Variants in RAB31 observed in about 807,000 individuals in gnomAD.
RAB31 encodes ras-related protein Rab-31.
A neutral mutation model predicts 25.6 loss-of-function variants in RAB31; 21 were observed. The ratio of observed to expected loss-of-function variants is 0.82; its 90% CI spans 0.58 to 1.18. RAB31 has a LOEUF of 1.18. Ranked by LOEUF, RAB31 falls within the 50% of genes most tolerant of loss-of-function variation. The pLI is 0.00. For missense variants in RAB31, 196 were observed against 250.1 expected (o/e 0.78, Z 1.46); for synonymous variants, 87 against 84.0 (o/e 1.04, Z -0.20).
At chr18:9,709,088 C>CG (rs1172390978) in intron 1 of RAB31, among the ~76,000 whole-genome samples, 2 of 152,176 alleles carry the variant, frequency 1.3e-5, no homozygotes, top group Non-Finnish European at 2.9e-5. Flanking sequence ...TTCCCTGCTG[C>CG]GGGTGAAAGA....
At position 9,828,365 on chromosome 18, in the gene RAB31, G is replaced by T. The variant is rs146204690; in HGVS notation, c.380+13143G>T. Among the ~76,000 whole-genome samples, 7 of 152,238 alleles carry T rather than the reference G, an allele frequency of 4.6e-5. No homozygotes were observed. In the East Asian group the frequency reaches 1.4e-3, roughly 29 times the overall value. On this transcript the variant is annotated intron_variant, in intron 5 of 6. Coordinates refer to ENST00000578921, the MANE Select transcript of RAB31 (RefSeq NM_006868.4). ...GGCTCCTCCTTAATGCAATGCCTCG[G>T]GTAGTCACTACCAGTTAAAGAGATC...
intron 6 of RAB31, among the ~76,000 whole-genome samples, chr18:9,851,845 A>G (rs1599067725): frequency 6.6e-6 from 1 of 152,084 alleles, no homozygotes; most frequent in East Asian, 1.9e-4. Flanking sequence ...TTCACAATAT[A>G]TCTCATATTT....
Position 9,861,493 on chromosome 18 carries a change from A to T in RAB31, c.*2168A>T, listed in dbSNP as rs576319367. ...AGCACTCAGAGTAGTCAGTGAAGAG[A>T]GTAGATCACACTTGGGCACACCAGG... is the stretch of plus-strand genomic sequence containing the variant. On this transcript the variant is annotated 3_prime_UTR_variant, in exon 7 of 7. Coordinates refer to ENST00000578921, the MANE Select transcript of RAB31 (RefSeq NM_006868.4). The T allele has an allele frequency of 6.6e-6, 1 of 152,268 alleles. No individual in the cohort carries two copies. The highest frequency in any genetic ancestry group is 1.9e-4 in the East Asian group (1 of 5,188). The allele number at this position is 152,268 out of a possible 1,614,324, so 9.4% of individuals were successfully genotyped here.
At chr18:9,794,956 A>C (rs1260242715) in intron 3 of RAB31, among the ~76,000 whole-genome samples, 1 of 152,224 alleles carries the variant, frequency 6.6e-6, no homozygotes, top group Non-Finnish European at 1.5e-5. Flanking sequence ...CAAAAAGAAC[A>C]AATCTGGAGG....
chr18:9,720,366 A>C (rs773324007), intron 1 of RAB31, among the ~76,000 whole-genome samples: 7 of 152,228 alleles, frequency 4.6e-5, no homozygotes. Flanking sequence ...TAGGGCGTAC[A>C]TGGGAAAAGT....
intron 3 of RAB31, 118 bp downstream of exon 3, chr18:9,792,353 A>G: frequency 6.9e-7 from 1 of 1,456,118 alleles, no homozygotes; most frequent in Non-Finnish European, 9.1e-7. Context: ...CTAGCTTGAA[A>G]TGATGTAAGC....
rs2068846919 is a variant in RAB31 at position 9,861,434 on chromosome 18, A to C, written c.*2109A>C. The C allele has an allele frequency of 6.6e-6, 1 of 152,200 alleles. No individual in the cohort carries two copies. Among genetic ancestry groups the C allele is most frequent in the Non-Finnish European group, 1.5e-5 (1 of 68,042 alleles). 9.4% of individuals were successfully genotyped at this position (152,200 alleles called of 1,614,324 possible). On this transcript the variant is annotated 3_prime_UTR_variant, in exon 7 of 7. Transcript: ENST00000578921. ...CCTTTCTGTATTGTCTTAGCTATTC[A>C]AGCCAGTCAGAGGATAATATATATA...
rs369355753 is a variant in RAB31, at chr18:9,775,236, G to A, written c.40-42G>A. 9 of 1,612,650 alleles carry A rather than the reference G, an allele frequency of 5.6e-6. No individual in the cohort carries two copies. The African/African-American group carries it at 8.0e-5, about 14-fold the overall frequency. The stretch of plus-strand genomic sequence containing the variant: ...CAGTTAACCTCACAACCTGTGAGTT[G>A]CCGCCCTTCATCTTCACGGTTGTAT... On this transcript the variant is annotated intron_variant, in intron 1 of 6. Transcript: ENST00000578921.
intron 5 of RAB31, among the ~76,000 whole-genome samples, chr18:9,824,633 T>G (rs2068641049): frequency 6.6e-6 from 1 of 152,220 alleles, no homozygotes; most frequent in Non-Finnish European, 1.5e-5. Flanking sequence ...CAGAAGTACT[T>G]GGCAGAGATG....
At chr18:9,812,879 G>T (rs1339744202) in intron 3 of RAB31, among the ~76,000 whole-genome samples, 1 of 151,590 alleles carries the variant, frequency 6.6e-6, no homozygotes, top group African/African-American at 2.4e-5. Flanking sequence ...TGTATTTTTA[G>T]TTGAGACGGG....
At chr18:9,770,022 C>A (rs1339498848) in intron 1 of RAB31, among the ~76,000 whole-genome samples, 1 of 152,208 alleles carries the variant, frequency 6.6e-6, no homozygotes, top group South Asian at 2.1e-4. Flanking sequence ...ACCAGCCTTG[C>A]GTCCCGGGGA....
chr18:9,779,157 A>ACTTT (rs1191660646), intron 2 of RAB31, among the ~76,000 whole-genome samples: 1 of 152,082 alleles, frequency 6.6e-6, no homozygotes, highest in Non-Finnish European at 1.5e-5. Flanking sequence ...GTCTATGGAA[A>ACTTT]CTCTCTGCAC....
At chr18:9,801,013 T>C (rs998006496) in intron 3 of RAB31, among the ~76,000 whole-genome samples, 1 of 152,208 alleles carries the variant, frequency 6.6e-6, no homozygotes, top group Non-Finnish European at 1.5e-5. Context: ...TTTCTGTCTC[T>C]AGATTTGCCT....
At chr18:9,757,593 C>A (rs191228155) in intron 1 of RAB31, among the ~76,000 whole-genome samples, 1 of 152,138 alleles carries the variant, frequency 6.6e-6, no homozygotes, top group Non-Finnish European at 1.5e-5. Flanking sequence ...CTAGCTTTAG[C>A]CACGTTGAAC....
chr18:9,721,297 G>A (rs938357386), intron 1 of RAB31, among the ~76,000 whole-genome samples: 2 of 152,112 alleles, frequency 1.3e-5, no homozygotes, highest in Non-Finnish European at 2.9e-5. Context: ...GAAAATAACC[G>A]ATGTAGAGTT....
chr18:9,842,296 A>G (rs565986042), intron 5 of RAB31, among the ~76,000 whole-genome samples: 2 of 152,176 alleles, frequency 1.3e-5, no homozygotes, highest in East Asian at 3.9e-4. Flanking sequence ...CAACCCTCTA[A>G]CCATGTGGTT....
chr18:9,730,805 C>T (rs1468808380), intron 1 of RAB31, among the ~76,000 whole-genome samples: 1 of 152,122 alleles, frequency 6.6e-6, no homozygotes, highest in African/African-American at 2.4e-5. Flanking sequence ...GGTGGCTGGG[C>T]GGCAGGCATT....
At chr18:9,761,113 C>T (rs2068286476) in intron 1 of RAB31, among the ~76,000 whole-genome samples, 1 of 152,142 alleles carries the variant, frequency 6.6e-6, no homozygotes, top group Non-Finnish European at 1.5e-5. Flanking sequence ...TTGCTGATGG[C>T]AGCTTTATCG....
chr18:9,757,094 G>C (rs929814378), intron 1 of RAB31, among the ~76,000 whole-genome samples: 4 of 152,210 alleles, frequency 2.6e-5, no homozygotes, highest in African/African-American at 9.6e-5. Context: ...CGTTCAGTCA[G>C]GAAGCAGAGC....
Sources: allele counts gnomAD v4.1 joint callset (sites outside exome capture counted in the v4.1 genomes callset), GRCh38; gene constraint gnomAD v4.1.1; transcripts MANE v1.5; gene names NCBI Gene and HGNC (gene_info 2026-07-23, HGNC 2026-07-21).